Variants in IMMP2L observed in about 807,000 individuals in gnomAD.
IMMP2L encodes mitochondrial inner membrane protease subunit 2.
Under a neutral mutation model 19.3 loss-of-function variants are expected in IMMP2L, and 18 were observed. The observed-to-expected ratio is 0.93, with a 90% confidence interval of 0.64 to 1.38. The LOEUF (loss-of-function observed/expected upper bound fraction) is 1.38. Among genes scored for constraint, IMMP2L ranks in the 40% most tolerant of loss-of-function variants. The pLI is 0.00. For synonymous variants in IMMP2L, 76 were observed against 73.0 expected, an observed-to-expected ratio of 1.04 and a Z score of -0.21; for missense variants, 233 against 218.2, an observed-to-expected ratio of 1.07 and a Z score of -0.43.
chr7:111,383,779 A>AT (rs1340019506), intron 3 of IMMP2L, among the ~76,000 whole-genome samples: 9 of 151,740 alleles, frequency 5.9e-5, no homozygotes, highest in African/African-American at 2.2e-4. Context: ...TTTCTTTTTC[A>AT]TTTTTCTTTT....
At chr7:111,106,018 A>T (rs1309885088) in intron 3 of IMMP2L, among the ~76,000 whole-genome samples, 2 of 152,080 alleles carry the variant, frequency 1.3e-5, no homozygotes, top group East Asian at 3.9e-4. Flanking sequence ...TACAAATAAT[A>T]GGCAGTTAAT....
At chr7:110,730,693 T>G (rs374448909) in intron 5 of IMMP2L, among the ~76,000 whole-genome samples, 5 of 151,978 alleles carry the variant, frequency 3.3e-5, no homozygotes, top group Middle Eastern at 3.2e-3. Context: ...CCCAGCTAAT[T>G]TTTTTGTATT....
At chr7:111,052,853 T>C (rs1793124526) in intron 3 of IMMP2L, among the ~76,000 whole-genome samples, 1 of 152,242 alleles carries the variant, frequency 6.6e-6, no homozygotes, top group Non-Finnish European at 1.5e-5. Context: ...CAGGTGCTTC[T>C]TTGCCTCTAC....
At chr7:111,100,702 G>T (rs1797879759) in intron 3 of IMMP2L, among the ~76,000 whole-genome samples, 2 of 151,104 alleles carry the variant, frequency 1.3e-5, no homozygotes, top group African/African-American at 4.8e-5. Flanking sequence ...CTGGATTAAG[G>T]TTTTTTTGTT....
At chr7:110,743,056 T>C (rs1797095990) in intron 5 of IMMP2L, among the ~76,000 whole-genome samples, 1 of 152,206 alleles carries the variant, frequency 6.6e-6, no homozygotes, top group Non-Finnish European at 1.5e-5. Flanking sequence ...CTAGCACAAA[T>C]ACATGTAACA....
chr7:111,493,619 G>T (rs914969581), intron 2 of IMMP2L, among the ~76,000 whole-genome samples: 3 of 151,840 alleles, frequency 2.0e-5, no homozygotes, highest in Non-Finnish European at 4.4e-5. Context: ...ACAGGAGAAC[G>T]GCGTGAACCC....
chr7:110,914,580 T>C (rs141652859), intron 4 of IMMP2L, among the ~76,000 whole-genome samples: 1 of 152,252 alleles, frequency 6.6e-6, no homozygotes, highest in East Asian at 1.9e-4. Context: ...CATAAACTTT[T>C]CAAAAAGCAC....
chr7:110,824,293 T>C (rs973064202), intron 5 of IMMP2L, among the ~76,000 whole-genome samples: 2 of 152,144 alleles, frequency 1.3e-5, no homozygotes, highest in African/African-American at 2.4e-5. Context: ...CTCCAGTTTC[T>C]AGGCATTTGT....
intron 3 of IMMP2L, among the ~76,000 whole-genome samples, chr7:110,993,654 G>C (rs899075073): frequency 6.6e-6 from 1 of 150,584 alleles, no homozygotes; most frequent in Admixed American, 6.6e-5. Context: ...CTCCTTATGT[G>C]CCCTCCGACA....
At chr7:111,124,083 G>C in intron 3 of IMMP2L, 5 of 1,613,958 alleles carry the variant, frequency 3.1e-6, no homozygotes, top group Non-Finnish European at 4.2e-6. Context: ...TAGAAGCTGG[G>C]AGCTATGTTT....
At chr7:111,005,107 G>T (rs1040370842) in intron 3 of IMMP2L, among the ~76,000 whole-genome samples, 1 of 152,090 alleles carries the variant, frequency 6.6e-6, no homozygotes, top group Non-Finnish European at 1.5e-5. Context: ...CAGATTCAAA[G>T]AGCTTGTGCC....
intron 3 of IMMP2L, among the ~76,000 whole-genome samples, chr7:111,323,368 C>T (rs1824954197): frequency 6.6e-6 from 1 of 152,010 alleles, no homozygotes; most frequent in Admixed American, 6.6e-5. Context: ...GTCATTTATG[C>T]AGCCAAAAGG....
chr7:110,960,003 C>T (rs187971592), intron 4 of IMMP2L, among the ~76,000 whole-genome samples: 2 of 152,086 alleles, frequency 1.3e-5, no homozygotes, highest in East Asian at 3.9e-4. Context: ...TCAAGCATTG[C>T]AGTTTCACAT....
chr7:111,165,448 T>A (rs573982470), intron 3 of IMMP2L, among the ~76,000 whole-genome samples: 1 of 152,170 alleles, frequency 6.6e-6, no homozygotes, highest in South Asian at 2.1e-4. Flanking sequence ...AGAAGTGGAA[T>A]TGCTGGATCA....
intron 3 of IMMP2L, among the ~76,000 whole-genome samples, chr7:111,141,844 G>T (rs1225872756): frequency 6.6e-6 from 1 of 152,242 alleles, no homozygotes; most frequent in East Asian, 1.9e-4. Context: ...AGGGCTACAG[G>T]TGTGCACCAC....
chr7:110,837,628 C>G (rs1804631483), intron 5 of IMMP2L, among the ~76,000 whole-genome samples: 1 of 151,828 alleles, frequency 6.6e-6, no homozygotes, highest in South Asian at 2.1e-4. Flanking sequence ...TGCCCGCCAT[C>G]ATTTAAAAAA....
chr7:110,973,727 C>A (rs1190643690), intron 3 of IMMP2L, among the ~76,000 whole-genome samples: 1 of 152,088 alleles, frequency 6.6e-6, no homozygotes, highest in Non-Finnish European at 1.5e-5. Context: ...GGTTGAAAGA[C>A]ATTGATTAAT....
At chr7:111,080,246 T>A (rs1395123103) in intron 3 of IMMP2L, among the ~76,000 whole-genome samples, 1 of 152,158 alleles carries the variant, frequency 6.6e-6, no homozygotes, top group Non-Finnish European at 1.5e-5. Flanking sequence ...ATAATGAATA[T>A]CTCATGTTCT....
intron 5 of IMMP2L, among the ~76,000 whole-genome samples, chr7:110,800,381 T>C (rs1801162785): frequency 3.3e-5 from 5 of 152,094 alleles, no homozygotes; most frequent in African/African-American, 1.2e-4. Context: ...TCTTCTGTTA[T>C]AAGCTAATTT....
Sources: allele counts gnomAD v4.1 joint callset (sites outside exome capture counted in the v4.1 genomes callset), GRCh38; gene constraint gnomAD v4.1.1; transcripts MANE v1.5; gene names NCBI Gene and HGNC (gene_info 2026-07-23, HGNC 2026-07-21).